ACAP2: variants seen among roughly 807,000 people sequenced by gnomAD.
The protein encoded by ACAP2 is ArfGAP with coiled-coil, ankyrin repeat and PH domains 2, also known as arf-GAP with coiled-coil, ANK repeat and PH domain-containing protein 2.
Under a neutral mutation model 115.8 loss-of-function variants are expected in ACAP2, and 39 were observed. The ratio of observed to expected loss-of-function variants is 0.34; its 90% CI spans 0.26 to 0.44. The LOEUF (loss-of-function observed/expected upper bound fraction) is 0.44, where lower values mean the gene tolerates loss of function less well. Ranked by LOEUF, ACAP2 falls within the 20% of genes least tolerant of loss-of-function variation. ACAP2 has a pLI of 1.00. For missense variants in ACAP2, 662 were observed against 927.6 expected, an observed-to-expected ratio of 0.71 and a Z score of 3.72; for synonymous variants, 289 against 315.8, an observed-to-expected ratio of 0.92 and a Z score of 0.90.
intron 4 of ACAP2, among the ~76,000 whole-genome samples, chr3:195,379,458 TCAACAACAACAA>T (rs762499348): frequency 2.6e-5 from 4 of 151,612 alleles, no homozygotes; most frequent in South Asian, 4.2e-4. Context: ...CAAGTGTAAG[TCAACAACAACAA>T]CAACAACAAC....
At chr3:195,439,970 GT>G (rs1217629400) in intron 1 of ACAP2, among the ~76,000 whole-genome samples, 1 of 152,022 alleles carries the variant, frequency 6.6e-6, no homozygotes, top group Non-Finnish European at 1.5e-5. Flanking sequence ...TTTTACGGAG[GT>G]TTTGTAAAAT....
intron 10 of ACAP2, among the ~76,000 whole-genome samples, chr3:195,314,278 T>C (rs1264239897): frequency 6.6e-6 from 1 of 151,926 alleles, no homozygotes; most frequent in Non-Finnish European, 1.5e-5. Flanking sequence ...TTTTTTTTCT[T>C]TTTTTGAGAC....
chr3:195,354,311 T>A (rs934985659), intron 4 of ACAP2, among the ~76,000 whole-genome samples: 1 of 152,226 alleles, frequency 6.6e-6, no homozygotes. Flanking sequence ...AACATACACA[T>A]ACATATGTCT....
chr3:195,429,156 G>A (rs540291440), intron 1 of ACAP2, among the ~76,000 whole-genome samples: 245 of 152,246 alleles, frequency 1.6e-3, no homozygotes, highest in Non-Finnish European at 2.1e-3. Flanking sequence ...GGGAGGCTGA[G>A]GTGGGTGAAT....
intron 1 of ACAP2, among the ~76,000 whole-genome samples, chr3:195,394,503 T>C (rs1269511181): frequency 1.3e-5 from 2 of 152,184 alleles, no homozygotes; most frequent in Non-Finnish European, 2.9e-5. Flanking sequence ...AATTCACTTT[T>C]GTAAAACAAC....
intron 15 of ACAP2, among the ~76,000 whole-genome samples, chr3:195,298,771 A>G (rs1184831578): frequency 6.6e-6 from 1 of 152,074 alleles, no homozygotes; most frequent in African/African-American, 2.4e-5. Flanking sequence ...AGCTGGGATT[A>G]CAAGCATGCA....
At chr3:195,351,531 A>G (rs1435545731) in intron 4 of ACAP2, among the ~76,000 whole-genome samples, 3 of 147,596 alleles carry the variant, frequency 2.0e-5, no homozygotes, top group Non-Finnish European at 4.5e-5. Flanking sequence ...GCGTGATGTC[A>G]GCTCACTGCA....
At chr3:195,280,052 AC>A (rs1427257552) in intron 22 of ACAP2, among the ~76,000 whole-genome samples, 1 of 134,756 alleles carries the variant, frequency 7.4e-6, no homozygotes, top group Non-Finnish European at 1.6e-5. Context: ...CACGCCTATA[AC>A]CCCAACACTT....
At chr3:195,298,146 G>C (rs1184907397) in intron 15 of ACAP2, among the ~76,000 whole-genome samples, 1 of 152,122 alleles carries the variant, frequency 6.6e-6, no homozygotes, top group Non-Finnish European at 1.5e-5. Context: ...GGCAAGGCCT[G>C]GGATGAGATA....
At chr3:195,430,955 T>C (rs1000347157) in intron 1 of ACAP2, among the ~76,000 whole-genome samples, 2 of 152,196 alleles carry the variant, frequency 1.3e-5, no homozygotes, top group East Asian at 3.8e-4. Context: ...GGTTTTAGTA[T>C]ATTTAGAGTT....
chr3:195,291,854 A>G (rs376754767), intron 19 of ACAP2, 39 bp from the exon 20 acceptor site: 43 of 1,528,034 alleles, frequency 2.8e-5, no homozygotes, highest in African/African-American at 2.8e-4. Context: ...ACAAAAGCAA[A>G]TAACAAGAAA....
intron 1 of ACAP2, among the ~76,000 whole-genome samples, chr3:195,421,847 T>C (rs1714218607): frequency 6.6e-6 from 1 of 152,222 alleles, no homozygotes; most frequent in Non-Finnish European, 1.5e-5. Flanking sequence ...TACCTTAAAA[T>C]ATGTTCTTTT....
intron 13 of ACAP2, among the ~76,000 whole-genome samples, chr3:195,305,393 G>C (rs1430068336): frequency 1.3e-5 from 2 of 152,186 alleles, no homozygotes; most frequent in Non-Finnish European, 2.9e-5. Context: ...AAATTCTCAA[G>C]ATTATTTCCA....
intron 3 of ACAP2, 51 bp from the exon 4 acceptor site, chr3:195,381,113 T>G: frequency 7.1e-7 from 1 of 1,416,224 alleles, no homozygotes; most frequent in Non-Finnish European, 9.7e-7. Context: ...GCCACTTAAA[T>G]AGGTCACAAA....
chr3:195,415,100 G>A (rs1388922382), intron 1 of ACAP2, among the ~76,000 whole-genome samples: 2 of 152,064 alleles, frequency 1.3e-5, no homozygotes, highest in Non-Finnish European at 2.9e-5. Context: ...AACGTTAATG[G>A]AAACCATGGA....
At chr3:195,318,530 C>T (rs1326056828) in intron 10 of ACAP2, among the ~76,000 whole-genome samples, 7 of 152,172 alleles carry the variant, frequency 4.6e-5, no homozygotes, top group Non-Finnish European at 7.3e-5. Flanking sequence ...ATGTCACTCT[C>T]GCTATACTTT....
chr3:195,388,999 G>C (rs1560316880), intron 2 of ACAP2, among the ~76,000 whole-genome samples: 1 of 151,166 alleles, frequency 6.6e-6, no homozygotes, highest in Non-Finnish European at 1.5e-5. Context: ...ACTCCAGCCT[G>C]GGTGACAGAG....
At chr3:195,308,866 T>C (rs1472569901) in intron 10 of ACAP2, 29 bp from the exon 11 acceptor site, 12 of 1,560,264 alleles carry the variant, frequency 7.7e-6, no homozygotes, top group Non-Finnish European at 1.0e-5. Flanking sequence ...GATTAAGTTT[T>C]CATAAACATA....
intron 1 of ACAP2, chr3:195,442,391 G>T: frequency 3.8e-6 from 1 of 264,762 alleles, no homozygotes; most frequent in South Asian, 6.3e-5. Context: ...GGTGGGGAGG[G>T]GGTGGAAACC....
Sources: allele counts gnomAD v4.1 joint callset (sites outside exome capture counted in the v4.1 genomes callset), GRCh38; gene constraint gnomAD v4.1.1; transcripts MANE v1.5; gene names NCBI Gene and HGNC (gene_info 2026-07-23, HGNC 2026-07-21).